The following MAGI2 variants were observed in gnomAD, a reference collection of about 807,000 sequenced individuals.
The protein encoded by MAGI2 is membrane-associated guanylate kinase, WW and PDZ domain-containing protein 2.
Under a neutral mutation model 133.3 loss-of-function variants are expected in MAGI2, and 35 were observed. The ratio of observed to expected loss-of-function variants is 0.26; its 90% confidence interval spans 0.20 to 0.35. The LOEUF (loss-of-function observed/expected upper bound fraction) is 0.35. MAGI2 is among the 10% of genes least tolerant of loss of function. The probability of loss-of-function intolerance (pLI) is 1.00; values close to 1 mark genes in which losing one functional copy is unlikely to be tolerated. For missense variants in MAGI2, 1,636 were observed against 1,863.4 expected (o/e 0.88, Z 2.25); for synonymous variants, 729 against 710.6 (o/e 1.03, Z -0.41).
At position 79,133,514 on chromosome 7, in the gene MAGI2, T is replaced by C. The variant is rs966640285; in HGVS notation, c.302-126308A>G. On this transcript the variant is annotated intron_variant, in intron 1 of 21. Transcript: ENST00000354212. ...TGTTCTGTTCCATTGTCCCATATCC[T>C]TATTTTTTATACCAGTATCATGCTG... Among the ~76,000 whole-genome samples the C allele has an allele frequency of 3.9e-5, 6 of 152,304 alleles. No homozygotes were observed. The East Asian group carries it at 1.2e-3, about 29-fold the overall frequency.
chr7:78,458,392 G>A (rs1351983235), intron 6 of MAGI2, among the ~76,000 whole-genome samples: 1 of 151,736 alleles, frequency 6.6e-6, no homozygotes, highest in African/African-American at 2.4e-5. Flanking sequence ...CCACAGGCTT[G>A]AAGGGCAGTC....
At chr7:78,223,685 C>T (rs1421980102) in intron 10 of MAGI2, among the ~76,000 whole-genome samples, 5 of 152,082 alleles carry the variant, frequency 3.3e-5, no homozygotes, top group African/African-American at 1.2e-4. Flanking sequence ...TACTGTAATG[C>T]CACAAGCCTC....
intron 6 of MAGI2, among the ~76,000 whole-genome samples, chr7:78,436,448 A>G (rs906762115): frequency 5.3e-5 from 8 of 152,208 alleles, no homozygotes; most frequent in African/African-American, 1.7e-4. Context: ...ACCTGGAACC[A>G]TTATTAGACA....
chr7:78,785,879 A>G (rs1826772717), intron 2 of MAGI2, among the ~76,000 whole-genome samples: 1 of 152,190 alleles, frequency 6.6e-6, no homozygotes. Flanking sequence ...CACTCTCCGC[A>G]AACTCTGCCT....
chr7:78,453,328 G>C (rs984238375), intron 6 of MAGI2, among the ~76,000 whole-genome samples: 1 of 152,178 alleles, frequency 6.6e-6, no homozygotes, highest in Non-Finnish European at 1.5e-5. Context: ...TTTAAGGGAA[G>C]CTCTTTCTTC....
intron 2 of MAGI2, among the ~76,000 whole-genome samples, chr7:78,933,707 T>A (rs1800306799): frequency 6.6e-6 from 1 of 152,082 alleles, no homozygotes; most frequent in Admixed American, 6.6e-5. Context: ...TGCCTAGAGA[T>A]GACATGGTTA....
At chr7:79,055,364 G>T (rs1813060272) in intron 1 of MAGI2, among the ~76,000 whole-genome samples, 1 of 151,854 alleles carries the variant, frequency 6.6e-6, no homozygotes, top group Non-Finnish European at 1.5e-5. Flanking sequence ...TCAATTGATA[G>T]TTGTTTCATG....
At chr7:78,826,850 G>A (rs960102903) in intron 2 of MAGI2, among the ~76,000 whole-genome samples, 6 of 152,006 alleles carry the variant, frequency 3.9e-5, no homozygotes, top group East Asian at 1.9e-4. Context: ...TATCTAGTTC[G>A]CGAAAGTGTG....
At chr7:78,834,408 T>C (rs1013204055) in intron 2 of MAGI2, among the ~76,000 whole-genome samples, 5 of 152,196 alleles carry the variant, frequency 3.3e-5, no homozygotes, top group Non-Finnish European at 5.9e-5. Context: ...TCTGCCTCTA[T>C]AGAGCTACCT....
At chr7:78,031,897 C>T (rs373237517) in intron 21 of MAGI2, among the ~76,000 whole-genome samples, 3 of 152,072 alleles carry the variant, frequency 2.0e-5, no homozygotes, top group South Asian at 4.2e-4. Context: ...CTCTGTAAAC[C>T]GTTTATGTGC....
At chr7:78,880,470 C>A (rs917208287) in intron 2 of MAGI2, among the ~76,000 whole-genome samples, 2 of 152,078 alleles carry the variant, frequency 1.3e-5, no homozygotes, top group Admixed American at 6.6e-5. Context: ...CATGTCCCCC[C>A]AAACTAAGCT....
At chr7:78,760,305 A>G (rs1252688836) in intron 2 of MAGI2, among the ~76,000 whole-genome samples, 1 of 152,042 alleles carries the variant, frequency 6.6e-6, no homozygotes, top group Non-Finnish European at 1.5e-5. Flanking sequence ...CTGATAAAAC[A>G]AAAACCACCA....
intron 1 of MAGI2, among the ~76,000 whole-genome samples, chr7:79,190,993 TG>T (rs1340762085): frequency 6.6e-6 from 1 of 151,910 alleles, no homozygotes; most frequent in African/African-American, 2.4e-5. Context: ...CACATATATG[TG>T]GGCAATGTCT....
At chr7:78,834,158 G>A (rs1791420998) in intron 2 of MAGI2, among the ~76,000 whole-genome samples, 1 of 152,058 alleles carries the variant, frequency 6.6e-6, no homozygotes, top group African/African-American at 2.4e-5. Flanking sequence ...ATATGGGCAT[G>A]GCTTCAACTC....
intron 6 of MAGI2, among the ~76,000 whole-genome samples, chr7:78,419,769 G>A (rs1798633363): frequency 6.6e-6 from 1 of 152,080 alleles, no homozygotes; most frequent in Non-Finnish European, 1.5e-5. Flanking sequence ...TATACTATCA[G>A]AAAGGGCTGT....
intron 2 of MAGI2, among the ~76,000 whole-genome samples, chr7:79,003,763 A>C (rs1027373235): frequency 6.6e-6 from 1 of 152,212 alleles, no homozygotes. Flanking sequence ...CTAAGAAATC[A>C]AATAATCCCA....
chr7:79,004,787 G>T (rs573524108), intron 2 of MAGI2, among the ~76,000 whole-genome samples: 1 of 152,020 alleles, frequency 6.6e-6, no homozygotes, highest in Non-Finnish European at 1.5e-5. Flanking sequence ...TTTTTTTAAA[G>T]GTATACTGAG....
chr7:79,008,438 T>C (rs1196965287), intron 1 of MAGI2, among the ~76,000 whole-genome samples: 1 of 152,156 alleles, frequency 6.6e-6, no homozygotes, highest in African/African-American at 2.4e-5. Context: ...TCTGCAGGTA[T>C]AGTCTCAATA....
intron 1 of MAGI2, among the ~76,000 whole-genome samples, chr7:79,280,311 A>G (rs549027643): frequency 7.9e-4 from 120 of 152,308 alleles, no homozygotes; most frequent in African/African-American, 2.7e-3. Context: ...CAAAGATAAC[A>G]GTTGGAAAAA....
Sources: gnomAD v4.1 joint callset for allele counts (sites outside exome capture counted in the v4.1 genomes callset) on GRCh38, gnomAD v4.1.1 for gene constraint, MANE v1.5 for transcripts, NCBI Gene and HGNC (gene_info 2026-07-23, HGNC 2026-07-21) for gene names.